Variants in ZC3H4 observed in about 807,000 individuals in gnomAD.
ZC3H4 encodes the protein zinc finger CCCH domain-containing protein 4.
A neutral mutation model predicts 108.3 loss-of-function variants in ZC3H4; 13 were observed. The observed-to-expected ratio is 0.12, with a 90% confidence interval of 0.08 to 0.19. The LOEUF is 0.19. Among genes scored for constraint, ZC3H4 ranks in the 10% least tolerant of loss-of-function variants. ZC3H4 has a pLI of 1.00. For synonymous variants in ZC3H4, 917 were observed against 749.6 expected (o/e 1.22, Z -3.65); for missense variants, 1,734 against 1,838.8 (o/e 0.94, Z 1.04).
intron 4 of ZC3H4, among the ~76,000 whole-genome samples, chr19:47,091,126 A>G (rs1415358915): frequency 6.6e-6 from 1 of 152,084 alleles, no homozygotes; most frequent in Non-Finnish European, 1.5e-5. Context: ...ACAACAAAAT[A>G]GCCGAGTGTG....
intron 2 of ZC3H4, among the ~76,000 whole-genome samples, chr19:47,100,128 T>C (rs887491145): frequency 2.6e-5 from 4 of 152,178 alleles, no homozygotes; most frequent in Non-Finnish European, 5.9e-5. Flanking sequence ...ACTAGTCGTT[T>C]ATTAGGATTG....
At chr19:47,097,361 G>A (rs886809643) in intron 2 of ZC3H4, among the ~76,000 whole-genome samples, 1 of 152,176 alleles carries the variant, frequency 6.6e-6, no homozygotes, top group Non-Finnish European at 1.5e-5. Flanking sequence ...CACTGAGACA[G>A]CAACAATAAA....
At chr19:47,077,671 C>T (rs906312636) in intron 11 of ZC3H4, among the ~76,000 whole-genome samples, 1 of 152,002 alleles carries the variant, frequency 6.6e-6, no homozygotes, top group African/African-American at 2.4e-5. Context: ...GCCTGACAAA[C>T]GTGGAGAAAC....
At chr19:47,093,672 A>T (rs921653857) in intron 4 of ZC3H4, 1 of 258,350 alleles carries the variant, frequency 3.9e-6, no homozygotes, top group African/African-American at 2.2e-5. Context: ...GCTCACTGCA[A>T]CCTTAAACTT....
intron 2 of ZC3H4, 121 bp from the exon 3 acceptor site, chr19:47,094,729 T>C (rs1213303929): frequency 6.6e-6 from 6 of 911,064 alleles, no homozygotes; most frequent in South Asian, 1.6e-5. Flanking sequence ...AGTGAGACCC[T>C]GGGAGGACAT....
chr19:47,111,495 G>A (rs1294450922), intron 2 of ZC3H4, among the ~76,000 whole-genome samples: 4 of 152,172 alleles, frequency 2.6e-5, no homozygotes, highest in Admixed American at 6.5e-5. Flanking sequence ...CCAGGAGAAA[G>A]CGCGGGACCA....
chr19:47,087,231 G>A (rs1354597711), intron 5 of ZC3H4, among the ~76,000 whole-genome samples: 2 of 151,426 alleles, frequency 1.3e-5, no homozygotes, highest in African/African-American at 4.9e-5. Context: ...AGCTGAGAAT[G>A]CGCCACTGCA....
intron 11 of ZC3H4, among the ~76,000 whole-genome samples, chr19:47,077,653 C>T (rs1004418225): frequency 6.6e-6 from 1 of 152,026 alleles, no homozygotes; most frequent in Non-Finnish European, 1.5e-5. Context: ...GTTGGGAGTT[C>T]GAGACCAGCC....
chr19:47,085,746 T>G (rs1443539994), intron 6 of ZC3H4, among the ~76,000 whole-genome samples: 1 of 152,102 alleles, frequency 6.6e-6, no homozygotes, highest in Non-Finnish European at 1.5e-5. Context: ...CTGCCGCTCC[T>G]CCTCCTGGGT....
At position 47,080,662 on chromosome 19, in the gene ZC3H4, ATT is replaced by A. The variant is rs67141668; in HGVS notation, c.1440+849_1440+850del. Among the ~76,000 whole-genome samples, 241 of 141,826 alleles carry A rather than the reference ATT, an allele frequency of 1.7e-3. 1 individual carries two copies. Among genetic ancestry groups the A allele is most frequent in the East Asian group, 8.4e-3 (41 of 4,896 alleles). 93.0% of individuals were successfully genotyped at this position (141,826 alleles called of 152,430 possible). A position where few individuals can be genotyped will look rare whatever the true frequency, so the allele number is the denominator to read the frequency against. On this transcript the variant is annotated intron_variant, in intron 11 of 14. Transcript: ENST00000253048. ...AGGCATGTGCCACAATACCTGGCTA[ATT>A]TTTTTTTTTTTTTTGAGACACAGTC...
At chr19:47,092,984 A>C (rs1213877593) in intron 4 of ZC3H4, among the ~76,000 whole-genome samples, 1 of 152,076 alleles carries the variant, frequency 6.6e-6, no homozygotes, top group Non-Finnish European at 1.5e-5. Flanking sequence ...TGAGAGGCCG[A>C]GGCAGGCGGA....
intron 2 of ZC3H4, chr19:47,111,089 G>T: frequency 5.8e-6 from 1 of 171,648 alleles, no homozygotes; most frequent in Non-Finnish European, 1.2e-5. Context: ...CCAGGGCTGC[G>T]ACGGAGTAGC....
intron 2 of ZC3H4, among the ~76,000 whole-genome samples, chr19:47,106,064 G>A (rs941540350): frequency 6.6e-6 from 1 of 152,220 alleles, no homozygotes; most frequent in Non-Finnish European, 1.5e-5. Flanking sequence ...AGAGGTAAAG[G>A]TTAAATGAGC....
intron 1 of ZC3H4, among the ~76,000 whole-genome samples, chr19:47,112,947 T>G (rs1600126823): frequency 6.8e-6 from 1 of 146,140 alleles, no homozygotes. Flanking sequence ...AAGCGAAGGG[T>G]AAGGGGAGAA....
rs1489386481 is a variant in ZC3H4 at position 47,090,002 on chromosome 19, T to C, written c.680A>G (p.Tyr227Cys). The change falls in exon 5 of 15, where the codon TAC becomes TGC. Residue 227 changes from tyrosine (Y) to cysteine (C), a missense_variant. Tyr to Cys is a radical substitution (Grantham distance 194). Around this residue, in one of 9 missense-constraint regions of ZC3H4, gnomAD observed 403 missense variants for 457.0 expected, o/e 0.88. Transcript: ENST00000253048. ...GCTGCTGCCCTCCTTGGCACGCCGG[T>C]ACTGGTTCAGCTCTTTGGTGAAGTC... ...YDDFTKELNQ[Y>C]RRAKEGSSRG... 1 of 1,614,182 alleles carries C rather than the reference T, an allele frequency of 6.2e-7. No individual in the cohort carries two copies.
Position 47,108,083 on chromosome 19 carries a change from G to A in ZC3H4, c.161+4341C>T, listed in dbSNP as rs140430834. 2.8e-4 allele frequency among the ~76,000 whole-genome samples: 42 copies of A among 152,260 alleles called. 1 individual carries two copies. In the East Asian group the frequency reaches 8.1e-3, roughly 29 times the overall value. On this transcript the variant is annotated intron_variant, in intron 2 of 14. Transcript: ENST00000253048. ...GGAGAGGAGTCCCTCCACCAATGAG[G>A]CTGCTCCTACAGTCTCTGATCTGCT...
chr19:47,112,710 T>A, intron 1 of ZC3H4, 121 bp from the exon 2 acceptor site: 1 of 527,100 alleles, frequency 1.9e-6, no homozygotes, highest in Non-Finnish European at 2.9e-6. Flanking sequence ...GGTTTCGGAA[T>A]CACCTCTGCG....
Position 47,067,571 on chromosome 19 carries a change from G to C in ZC3H4, c.2697C>G (p.Ser899=), listed in dbSNP as rs1163892349. 9.4e-6 allele frequency: 15 copies of C among 1,604,154 alleles called. No individual in the cohort carries two copies. The highest frequency in any genetic ancestry group is 1.3e-5 in the Non-Finnish European group (15 of 1,175,594). The change falls in exon 15 of 15, where the codon TCC becomes TCG. Residue 899 remains serine (S), a synonymous_variant. Coordinates refer to ENST00000253048, the MANE Select transcript of ZC3H4 (RefSeq NM_015168.2). This position sits in a 1 kb window ranked among gnomAD's most constrained non-coding sequence, Gnocchi z 6.4. The part of the protein sequence containing the change: ...DPRLARALPT[S]KPEGSLHSSP... ...TGGAATGAAGGCTGCCTTCGGGCTT[G>C]GAGGTGGGCAGGGCGCGAGCCAGCC...
rs2057174285 is a variant in ZC3H4 at position 47,064,916 on chromosome 19, T to C, written c.*1440A>G. The C allele has an allele frequency of 6.6e-6, 1 of 151,964 alleles. No individual in the cohort carries two copies. Among genetic ancestry groups the C allele is most frequent in the African/African-American group, 2.4e-5 (1 of 41,366 alleles). The allele number at this position is 151,964 out of a possible 1,614,324, so 9.4% of individuals were successfully genotyped here. ...CACCCTGAGGAGGAGGGAAGGGGAA[T>C]CCCTTGGCAGGTAACTAGGTCTCTT... On this transcript the variant is annotated 3_prime_UTR_variant, in exon 15 of 15. Transcript: ENST00000253048.
Sources: allele counts gnomAD v4.1 joint callset (sites outside exome capture counted in the v4.1 genomes callset), GRCh38; gene constraint gnomAD v4.1.1; regional missense constraint gnomAD v4.1.1; non-coding constraint Gnocchi (gnomAD v3.1); transcripts MANE v1.5; gene names NCBI Gene and HGNC (gene_info 2026-07-23, HGNC 2026-07-21).